The following KIF18B variants were observed in gnomAD, a reference collection of about 807,000 sequenced individuals.
KIF18B encodes kinesin family member 18B, also known as kinesin-like protein KIF18B.
KIF18B carries 49 observed loss-of-function variants against 80.9 expected under a neutral mutation model. The ratio of observed to expected loss-of-function variants is 0.61; its 90% confidence interval spans 0.48 to 0.77. The LOEUF is 0.77. Ranked by LOEUF, KIF18B falls within the 30% of genes least tolerant of loss-of-function variation. The pLI is 0.00. For missense variants in KIF18B, 994 were observed against 1,127.7 expected (o/e 0.88, Z 1.70); for synonymous variants, 439 against 463.9 (o/e 0.95, Z 0.69).
intron 11 of KIF18B, 51 bp from the exon 12 acceptor site, chr17:44,929,075 A>G: frequency 6.6e-7 from 1 of 1,525,464 alleles, no homozygotes. Context: ...CAGCCTGACC[A>G]GGAGCCTCTA....
At position 44,934,992 on chromosome 17, in the gene KIF18B, C is replaced by T. The variant is rs2145706867; in HGVS notation, c.472-57G>A. 7.8e-7 allele frequency: 1 copy of T among 1,279,694 alleles called. No individual in the cohort carries two copies. Among genetic ancestry groups the T allele is most frequent in the Non-Finnish European group, 1.1e-6 (1 of 917,864 alleles). 79.3% of individuals were successfully genotyped at this position (1,279,694 alleles called of 1,614,324 possible). A position where few individuals can be genotyped will look rare whatever the true frequency, so the allele number is the denominator to read the frequency against. Reference sequence around the variant, plus strand: ...GAGAGCGGCCCATCAGGAAACCTCTCCCTAGCGGCTGGACAGGGGAGCTGA... The same window carrying T: ...GAGAGCGGCCCATCAGGAAACCTCTTCCTAGCGGCTGGACAGGGGAGCTGA... On this transcript the variant is annotated intron_variant, in intron 3 of 15. Transcript: ENST00000593135. The surrounding 1 kb of genome is among the most constrained non-coding windows in gnomAD (Gnocchi z 5.4).
At chr17:44,933,860 C>T (rs1176627519) in intron 7 of KIF18B, 63 bp downstream of exon 7, 1 of 1,466,400 alleles carries the variant, frequency 6.8e-7, no homozygotes, top group Non-Finnish European at 9.1e-7. Context: ...GCCTGGGTCC[C>T]ACCCTTTCCT....
rs528250552 is a variant in KIF18B at position 44,930,174 on chromosome 17, C to T, written c.1518-1150G>A. ...AGAGGAAACTCATTCTATATCTGCA[C>T]GGGCCACACATTACAAGGAAGATTA... On this transcript the variant is annotated intron_variant, in intron 11 of 15. Coordinates refer to ENST00000593135, the MANE Select transcript of KIF18B (RefSeq NM_001265577.2). Among the ~76,000 whole-genome samples the T allele has an allele frequency of 3.2e-4, 49 of 152,268 alleles. 1 individual carries two copies. The highest frequency in any genetic ancestry group is 8.7e-4 in the African/African-American group (36 of 41,556).
Position 44,934,380 on chromosome 17 carries a change from C to G in KIF18B, c.738G>C (p.Gln246His). 1 of 1,606,712 alleles carries G rather than the reference C, an allele frequency of 6.2e-7. No individual in the cohort carries two copies. The highest frequency in any genetic ancestry group is 8.5e-7 in the Non-Finnish European group (1 of 1,176,450). The change falls in exon 6 of 16, where the codon CAG (glutamine) becomes CAC (histidine). Residue 246 changes from glutamine to histidine, a missense_variant. Physicochemically the swap from Gln to His is conservative, Grantham distance 24 (BLOSUM62 0). Coordinates refer to ENST00000593135, the MANE Select transcript of KIF18B (RefSeq NM_001265577.2). The surrounding 1 kb of genome is among the most constrained non-coding windows in gnomAD (Gnocchi z 5.4). ...DRVPGLTQAV[Q>H]VAKMSLIDLA... The stretch of plus-strand genomic sequence containing the variant: ...GGTCAATCAGGCTCATCTTGGCCAC[C>G]TGGACAGCCTGGGTCAGTCCTGGAA...
At chr17:44,928,736 G>A in intron 12 of KIF18B, 83 bp downstream of exon 12, 1 of 1,458,716 alleles carries the variant, frequency 6.9e-7, no homozygotes. Flanking sequence ...CAGCAACTGA[G>A]GCCCCTGGAC....
intron 1 of KIF18B, among the ~76,000 whole-genome samples, chr17:44,939,123 C>A (rs976720844): frequency 6.6e-6 from 1 of 151,544 alleles, no homozygotes; most frequent in Non-Finnish European, 1.5e-5. Context: ...GTAATCCTAG[C>A]ACTTTGGGAG....
chr17:44,932,737 C>G lies in KIF18B; in HGVS notation c.1174G>C (p.Gly392Arg), dbSNP rs138535921. 1.9e-5 allele frequency: 30 copies of G among 1,613,360 alleles called. No homozygotes were observed. Among genetic ancestry groups the G allele is most frequent in the South Asian group, 8.8e-5 (8 of 91,068 alleles). Reference sequence around the variant, plus strand: ...TCCTGTGGTGGGGGCTGGCCTCCCCCCTCATACACTTGGAGCTTCTTCCTC... The same window carrying G: ...TCCTGTGGTGGGGGCTGGCCTCCCCGCTCATACACTTGGAGCTTCTTCCTC... Reference protein sequence around the residue: ...ALRKKLQVYEGGGQPPPQDLP... With the variant: ...ALRKKLQVYERGGQPPPQDLP... Residue 392 changes from glycine to arginine, a missense_variant, in exon 9 of 16, where the codon GGG (glycine) becomes CGG (arginine). Transcript: ENST00000593135.
chr17:44,927,134 A>T lies in KIF18B; in HGVS notation c.2277-56T>A. On this transcript the variant is annotated intron_variant, in intron 13 of 15. Transcript: ENST00000593135. The surrounding 1 kb of genome is among the most constrained non-coding windows in gnomAD (Gnocchi z 4.1). Reference sequence around the variant, plus strand: ...TCAGCAGGGAACCGGAAGCAAGGCCAGCCACTTCCTCCCTCCAGCCCCCAG... The same window carrying T: ...TCAGCAGGGAACCGGAAGCAAGGCCTGCCACTTCCTCCCTCCAGCCCCCAG... 3 of 1,352,698 alleles carry T rather than the reference A, an allele frequency of 2.2e-6. No individual in the cohort carries two copies. The highest frequency in any genetic ancestry group is 3.1e-6 in the Non-Finnish European group (3 of 976,126). 83.8% of individuals were successfully genotyped at this position (1,352,698 alleles called of 1,614,324 possible).
chr17:44,931,773 C>T, intron 10 of KIF18B, 44 bp from the exon 11 acceptor site: 1 of 1,600,708 alleles, frequency 6.2e-7, no homozygotes, highest in Non-Finnish European at 8.5e-7. Context: ...CCAGGATGGC[C>T]TCCTCATCTT....
rs1254724935 is a variant in KIF18B at position 44,936,620 on chromosome 17, ATATATTTTTTTTTTTTTTTTTTTT to A, written c.-14-286_-14-263del. Among the ~76,000 whole-genome samples the A allele has an allele frequency of 4.2e-3, 255 of 60,140 alleles. 3 individuals carry two copies. Among genetic ancestry groups the A allele is most frequent in the Non-Finnish European group, 5.6e-3 (192 of 34,024 alleles). The allele number at this position is 60,140 out of a possible 152,430, so 39.5% of individuals were successfully genotyped here. A position where few individuals can be genotyped will look rare whatever the true frequency, so the allele number is the denominator to read the frequency against. The stretch of plus-strand genomic sequence containing the variant: ...TCTCTATATATATATATATATATAT[ATATATTTTTTTTTTTTTTTTTTTT>A]TTTTTTTTTTTTTGAGACGGACTCT... On this transcript the variant is annotated intron_variant, in intron 1 of 15. Coordinates refer to ENST00000593135, the MANE Select transcript of KIF18B (RefSeq NM_001265577.2).
chr17:44,936,217 TCAGGGTTAAA>T lies in KIF18B; in HGVS notation c.118_127del (p.Phe40ArgfsTer10). 1 of 1,610,992 alleles carries T rather than the reference TCAGGGTTAAA, an allele frequency of 6.2e-7. No individual in the cohort carries two copies. The highest frequency in any genetic ancestry group is 8.5e-7 in the Non-Finnish European group (1 of 1,178,926). On this transcript the variant is annotated frameshift_variant, in exon 2 of 16. Coordinates refer to ENST00000593135, the MANE Select transcript of KIF18B (RefSeq NM_001265577.2). LOFTEE classifies it high-confidence loss of function. ...GCCAGGGAACCCTCCATCGGGCTCC[TCAGGGTTAAA>T]CACCAGCACCCGCTCGTCCACCACC...
At chr17:44,945,775 G>A (rs913733909) in intron 1 of KIF18B, among the ~76,000 whole-genome samples, 2 of 151,716 alleles carry the variant, frequency 1.3e-5, no homozygotes, top group South Asian at 2.1e-4. Context: ...GTGTGGTGGC[G>A]GGTGCCTGTA....
intron 1 of KIF18B, 62 bp downstream of exon 1, chr17:44,947,566 G>C (rs1438485005): frequency 6.6e-6 from 1 of 152,300 alleles, no homozygotes; most frequent in African/African-American, 2.4e-5. Context: ...AGCTGGGTCT[G>C]CGCGTCCGAG....
At position 44,936,294 on chromosome 17, in the gene KIF18B, G is replaced by T. The variant is rs754270015; in HGVS notation, c.51C>A (p.Pro17=). Reference sequence around the variant, plus strand: ...GCTGACTGTCCAGCTCCCGAGGGGTGGGGGGCCGCACCCGTACCACTACTT... The same window carrying T: ...GCTGACTGTCCAGCTCCCGAGGGGTTGGGGGCCGCACCCGTACCACTACTT... The part of the protein sequence containing the change: ...TLQVVVRVRP[P]TPRELDSQRR... The change falls in exon 2 of 16, where the codon CCC becomes CCA. Residue 17 remains proline (P), a synonymous_variant. Coordinates refer to ENST00000593135, the MANE Select transcript of KIF18B (RefSeq NM_001265577.2). 4.3e-6 allele frequency: 7 copies of T among 1,609,846 alleles called. No homozygotes were observed. In the Admixed American group the frequency reaches 1.2e-4, roughly 27 times the overall value.
At chr17:44,940,433 T>C (rs1387090447) in intron 1 of KIF18B, among the ~76,000 whole-genome samples, 3 of 152,248 alleles carry the variant, frequency 2.0e-5, no homozygotes, top group Non-Finnish European at 4.4e-5. Context: ...GATTTCCTAA[T>C]GTTGACCTGG....
chr17:44,946,512 G>A (rs1272686376), intron 1 of KIF18B, among the ~76,000 whole-genome samples: 2 of 152,158 alleles, frequency 1.3e-5, no homozygotes, highest in East Asian at 3.8e-4. Context: ...TTTCCAACCT[G>A]TACATTGTAA....
chr17:44,936,068 C>A lies in KIF18B; in HGVS notation c.277G>T (p.Val93Phe). ...TAGCCCTGGAGGAAGCTGTCCAGGA[C>A]GCTGTGCGTGGTGTGCTGGAACACG... ...QDVFQHTTHSVLDSFLQGYNC... is the reference protein window; with the variant it reads ...QDVFQHTTHSFLDSFLQGYNC... Residue 93 changes from valine to phenylalanine, a missense_variant, in exon 2 of 16, where the codon GTC becomes TTC. By Grantham distance (50) the Val-to-Phe change is conservative. Transcript: ENST00000593135. 1 of 1,613,784 alleles carries A rather than the reference C, an allele frequency of 6.2e-7. No homozygotes were observed. The highest frequency in any genetic ancestry group is 8.5e-7 in the Non-Finnish European group (1 of 1,179,896).
chr17:44,946,035 C>T (rs1597901625), intron 1 of KIF18B, among the ~76,000 whole-genome samples: 2 of 145,972 alleles, frequency 1.4e-5, no homozygotes, highest in South Asian at 2.2e-4. Flanking sequence ...GCCTGGGCAA[C>T]ATAGGGAGAA....
chr17:44,946,267 T>A (rs117048366), intron 1 of KIF18B, among the ~76,000 whole-genome samples: 7,437 of 152,302 alleles, frequency 0.049, 269 homozygotes, highest in Non-Finnish European at 0.08. Flanking sequence ...TATACTTTTT[T>A]AAAAAGGTAT....
Sources: allele counts gnomAD v4.1 joint callset (sites outside exome capture counted in the v4.1 genomes callset), GRCh38; gene constraint gnomAD v4.1.1; non-coding constraint Gnocchi (gnomAD v3.1); transcripts MANE v1.5; gene names NCBI Gene and HGNC (gene_info 2026-07-23, HGNC 2026-07-21).